Variants in AGAP1 observed in about 807,000 individuals in gnomAD.
The protein encoded by AGAP1 is ArfGAP with GTPase domain, ankyrin repeat and PH domain 1.
Under a neutral mutation model 105.3 loss-of-function variants are expected in AGAP1, and 29 were observed. That is an observed-to-expected ratio of 0.28 (90% confidence interval 0.21 to 0.38). The LOEUF (loss-of-function observed/expected upper bound fraction) is 0.38. AGAP1 is among the 10% of genes least tolerant of loss of function. AGAP1 has a pLI of 1.00. For missense variants in AGAP1, 998 were observed against 1,165.1 expected (o/e 0.86, Z 2.09); for synonymous variants, 509 against 485.9 (o/e 1.05, Z -0.63).
intron 1 of AGAP1, among the ~76,000 whole-genome samples, chr2:235,636,994 G>A (rs1014684571): frequency 1.1e-4 from 17 of 152,016 alleles, no homozygotes; most frequent in Non-Finnish European, 1.5e-5. Flanking sequence ...CTCCCTCACC[G>A]CCCCTAAAGG....
At chr2:235,848,156 A>G (rs546790803) in intron 9 of AGAP1, among the ~76,000 whole-genome samples, 2 of 152,252 alleles carry the variant, frequency 1.3e-5, no homozygotes, top group East Asian at 1.9e-4. Flanking sequence ...GCCATGGCTC[A>G]TACAGCCGTC....
chr2:235,702,934 G>GTTTTTTTTTTTTGTTTTTTTTTTTTTTTT (rs1950330225), intron 1 of AGAP1, among the ~76,000 whole-genome samples: 2 of 88,946 alleles, frequency 2.2e-5, no homozygotes, highest in Admixed American at 1.5e-4. Context: ...AGTTTTCTTG[G>GTTTTTTTTTTTTGTTTTTTTTTTTTTTTT]TTTTTTTTTT....
At position 235,622,915 on chromosome 2, in the gene AGAP1, A is replaced by G. The variant is rs1286559378; in HGVS notation, c.164-86264A>G. Among the ~76,000 whole-genome samples, 3 of 152,108 alleles carry G rather than the reference A, an allele frequency of 2.0e-5. No homozygotes were observed. The highest frequency in any genetic ancestry group is 7.2e-5 in the African/African-American group (3 of 41,434). On this transcript the variant is annotated intron_variant, in intron 1 of 17. Coordinates refer to ENST00000304032, the MANE Select transcript of AGAP1 (RefSeq NM_001037131.3). The surrounding 1 kb of genome is among the most constrained non-coding windows in gnomAD (Gnocchi z 5.0). ...AGCACTGCTTCACGGTCCTATTGGCATGAGAACCACGTCCCCAGCTATTCC... is the reference window on the plus strand; with the variant it reads ...AGCACTGCTTCACGGTCCTATTGGCGTGAGAACCACGTCCCCAGCTATTCC...
In AGAP1 at chr2:235,788,419, G is replaced by T. The variant is rs1956779222; in HGVS notation, c.674-9340G>T. Among the ~76,000 whole-genome samples the T allele has an allele frequency of 2.0e-5, 3 of 152,040 alleles. No homozygotes were observed. Among genetic ancestry groups the T allele is most frequent in the Admixed American group, 1.3e-4 (2 of 15,260 alleles). ...GTGGTGCGGATCTTGGATGAGGTTA[G>T]CTGAGTTTGAAAACTGGAGAAGGCA... On this transcript the variant is annotated intron_variant, in intron 6 of 17. Transcript: ENST00000304032. This position sits in a 1 kb window ranked among gnomAD's most constrained non-coding sequence, Gnocchi z 6.0.
In AGAP1 at chr2:235,882,558, G is replaced by T; in HGVS notation, c.1051-787G>T. 1.3e-6 allele frequency: 1 copy of T among 773,990 alleles called. No homozygotes were observed. Among genetic ancestry groups the T allele is most frequent in the South Asian group, 1.7e-5 (1 of 58,312 alleles). The allele number at this position is 773,990 out of a possible 1,614,324, so 47.9% of individuals were successfully genotyped here. ...GCTCACTGCAACACTCTGCCTCCTG[G>T]GTTCAAGCAATTCCCCTGCTCAGCC... On this transcript the variant is annotated intron_variant, in intron 9 of 17. Transcript: ENST00000304032. The surrounding 1 kb of genome is among the most constrained non-coding windows in gnomAD (Gnocchi z 4.6).
chr2:235,644,124 G>C (rs1947293642), intron 1 of AGAP1, among the ~76,000 whole-genome samples: 1 of 152,160 alleles, frequency 6.6e-6, no homozygotes, highest in African/African-American at 2.4e-5. Context: ...GGTCAGCCTT[G>C]CAGACTTGTA....
chr2:235,675,874 G>T (rs1261940065), intron 1 of AGAP1, among the ~76,000 whole-genome samples: 3 of 152,132 alleles, frequency 2.0e-5, no homozygotes, highest in South Asian at 2.1e-4. Flanking sequence ...AGAGACTTGG[G>T]CTGGAATATC....
intron 9 of AGAP1, among the ~76,000 whole-genome samples, chr2:235,807,649 A>C (rs569913988): frequency 4.6e-4 from 70 of 152,178 alleles, no homozygotes; most frequent in Non-Finnish European, 9.1e-4. Flanking sequence ...GCCGGGCAAC[A>C]GGGGTAACTC....
intron 16 of AGAP1, among the ~76,000 whole-genome samples, chr2:236,091,257 C>G (rs1336158380): frequency 6.6e-6 from 1 of 152,158 alleles, no homozygotes; most frequent in Non-Finnish European, 1.5e-5. Flanking sequence ...TAGTCCAGGT[C>G]GCCTGGGGCC....
chr2:236,117,964 T>C lies in AGAP1; in HGVS notation c.2115-2228T>C, dbSNP rs375419050. Among the ~76,000 whole-genome samples, 4 of 152,134 alleles carry C rather than the reference T, an allele frequency of 2.6e-5. No homozygotes were observed. In the East Asian group the frequency reaches 5.8e-4, roughly 22 times the overall value. On this transcript the variant is annotated intron_variant, in intron 16 of 17. Coordinates refer to ENST00000304032, the MANE Select transcript of AGAP1 (RefSeq NM_001037131.3). ...CTCAGCTGTAGCCAAGTGTTTGTCCTGGAAATCTCCAAATGAAAAGAGTCG... is the reference window on the plus strand; with the variant it reads ...CTCAGCTGTAGCCAAGTGTTTGTCCCGGAAATCTCCAAATGAAAAGAGTCG...
Position 235,549,868 on chromosome 2 carries a change from G to A in AGAP1, c.163+55019G>A, listed in dbSNP as rs1943748805. On this transcript the variant is annotated intron_variant, in intron 1 of 17. Coordinates refer to ENST00000304032, the MANE Select transcript of AGAP1 (RefSeq NM_001037131.3). The surrounding 1 kb of genome is among the most constrained non-coding windows in gnomAD (Gnocchi z 4.2). ...GAGCATGGGGATTAGTGGAGTGAGTGGGAGGACTCGCCCTGCGCAGGTGGA... is the reference window on the plus strand; with the variant it reads ...GAGCATGGGGATTAGTGGAGTGAGTAGGAGGACTCGCCCTGCGCAGGTGGA... Among the ~76,000 whole-genome samples, 1 of 152,174 alleles carries A rather than the reference G, an allele frequency of 6.6e-6. No homozygotes were observed. The highest frequency in any genetic ancestry group is 1.5e-5 in the Non-Finnish European group (1 of 68,032).
At chr2:235,895,587 C>G (rs2050763374) in intron 10 of AGAP1, among the ~76,000 whole-genome samples, 1 of 152,134 alleles carries the variant, frequency 6.6e-6, no homozygotes, top group Non-Finnish European at 1.5e-5. Context: ...TGTGTGTGCT[C>G]TCACGTTACT....
intron 1 of AGAP1, among the ~76,000 whole-genome samples, chr2:235,636,196 G>A (rs1946996757): frequency 1.3e-5 from 2 of 152,078 alleles, no homozygotes; most frequent in African/African-American, 4.8e-5. Context: ...GAGAAAGGCT[G>A]GTCCTGAATT....
In AGAP1 at chr2:235,967,422, G is replaced by A. The variant is rs966715565; in HGVS notation, c.1484-1040G>A. Among the ~76,000 whole-genome samples the A allele has an allele frequency of 6.6e-6, 1 of 152,222 alleles. No individual in the cohort carries two copies. On this transcript the variant is annotated intron_variant, in intron 12 of 17. Coordinates refer to ENST00000304032, the MANE Select transcript of AGAP1 (RefSeq NM_001037131.3). The surrounding 1 kb of genome is among the most constrained non-coding windows in gnomAD (Gnocchi z 4.7). ...TCTTACCAGCTTCTGATGGACTCCA[G>A]GTTCTGGCCCGGCTGCCATGTCACT...
At chr2:235,803,055 ATGGTGG>A in intron 8 of AGAP1, among the ~76,000 whole-genome samples, 1 of 3,984 alleles carries the variant, frequency 2.5e-4, no homozygotes, top group Non-Finnish European at 6.1e-4. Context: ...GGTTGTGGTG[ATGGTGG>A]TGATAGTTGT....
chr2:235,903,864 T>G (rs566914564), intron 10 of AGAP1, among the ~76,000 whole-genome samples: 8 of 152,162 alleles, frequency 5.3e-5, no homozygotes, highest in Non-Finnish European at 1.2e-4. Flanking sequence ...TGTGAAATTC[T>G]AGGACAACGT....
intron 9 of AGAP1, among the ~76,000 whole-genome samples, chr2:235,859,777 C>G (rs1255230221): frequency 6.6e-6 from 1 of 152,128 alleles, no homozygotes; most frequent in Non-Finnish European, 1.5e-5. Context: ...CGTTGCCTGC[C>G]CTTCACAGCA....
Position 235,887,751 on chromosome 2 carries a change from G to A in AGAP1, c.1155+4302G>A, listed in dbSNP as rs540984418. ...GTATCAATAGTGAGGTTGCTGCACC[G>A]ATTCCTGGTGTATACCACTAATTTA... On this transcript the variant is annotated intron_variant, in intron 10 of 17. Transcript: ENST00000304032. This position sits in a 1 kb window ranked among gnomAD's most constrained non-coding sequence, Gnocchi z 4.1. Among the ~76,000 whole-genome samples the A allele has an allele frequency of 3.9e-5, 6 of 152,188 alleles. No individual in the cohort carries two copies. Among genetic ancestry groups the A allele is most frequent in the Non-Finnish European group, 7.3e-5 (5 of 68,042 alleles).
rs2057715872 is a variant in AGAP1, at chr2:236,046,294, A to G, written c.1892-2765A>G. On this transcript the variant is annotated intron_variant, in intron 15 of 17. Transcript: ENST00000304032. This position sits in a 1 kb window ranked among gnomAD's most constrained non-coding sequence, Gnocchi z 5.2. ...GCTAGGTTTTGAGCGGTGGTGTGAC[A>G]TGATCAGAGATGCCGTGTTCAGTGG... 6.6e-6 allele frequency among the ~76,000 whole-genome samples: 1 copy of G among 152,100 alleles called. No homozygotes were observed. Among genetic ancestry groups the G allele is most frequent in the African/African-American group, 2.4e-5 (1 of 41,418 alleles).
Sources: gnomAD v4.1 joint callset for allele counts (sites outside exome capture counted in the v4.1 genomes callset) on GRCh38, gnomAD v4.1.1 for gene constraint, Gnocchi (gnomAD v3.1) non-coding constraint, MANE v1.5 for transcripts, NCBI Gene and HGNC (gene_info 2026-07-23, HGNC 2026-07-21) for gene names.